Variants in GPC6 observed in about 807,000 individuals in gnomAD.
The protein encoded by GPC6 is glypican-6.
GPC6 carries 14 observed loss-of-function variants against 55.2 expected under a neutral mutation model. That is an observed-to-expected ratio of 0.25 (90% CI 0.17 to 0.40). GPC6 has a LOEUF of 0.40. Ranked by LOEUF, GPC6 falls within the 10% of genes least tolerant of loss-of-function variation. The pLI, the probability that GPC6 is intolerant of heterozygous loss-of-function variation, is 1.00. For synonymous variants in GPC6, 278 were observed against 259.6 expected, an observed-to-expected ratio of 1.07 and a Z score of -0.68; for missense variants, 641 against 708.5, an observed-to-expected ratio of 0.90 and a Z score of 1.08.
chr13:93,389,184 A>G (rs1875518461), intron 1 of GPC6, among the ~76,000 whole-genome samples: 1 of 152,106 alleles, frequency 6.6e-6, no homozygotes, highest in African/African-American at 2.4e-5. Flanking sequence ...AATTACTGCT[A>G]GAAATACTCG....
intron 3 of GPC6, among the ~76,000 whole-genome samples, chr13:93,877,927 T>C (rs372388548): frequency 6.6e-5 from 10 of 151,988 alleles, no homozygotes; most frequent in African/African-American, 2.4e-4. Flanking sequence ...CATTAACAAA[T>C]AGAAAAGTCA....
Position 93,713,817 on chromosome 13 carries a change from G to A in GPC6, c.320-116337G>A, listed in dbSNP as rs376574032. Among the ~76,000 whole-genome samples the A allele has an allele frequency of 1.3e-3, 197 of 151,810 alleles. 5 individuals carry two copies. The South Asian group carries it at 0.037, about 29-fold the overall frequency. ...ACACTTATTCTACATATTTGGTAAC[G>A]AAGGTGGTATCTCAGGCTAGCAGCT... On this transcript the variant is annotated intron_variant, in intron 2 of 8. Transcript: ENST00000377047.
At chr13:93,677,025 G>C (rs1881660648) in intron 2 of GPC6, among the ~76,000 whole-genome samples, 1 of 152,060 alleles carries the variant, frequency 6.6e-6, no homozygotes. Flanking sequence ...TCCTTCAAGT[G>C]TGTTTTGTTT....
At chr13:93,575,163 G>A (rs143216863) in intron 2 of GPC6, among the ~76,000 whole-genome samples, 2,174 of 152,182 alleles carry the variant, frequency 0.014, 55 homozygotes, top group African/African-American at 0.05. Flanking sequence ...GTGTGATGGT[G>A]CATGCCTGTA....
Position 94,130,791 on chromosome 13 carries a change from C to G in GPC6, c.877+102897C>G, listed in dbSNP as rs556805879. Among the ~76,000 whole-genome samples the G allele has an allele frequency of 1.5e-4, 23 of 152,194 alleles. 1 individual carries two copies. The South Asian group carries it at 4.8e-3, about 32-fold the overall frequency. On this transcript the variant is annotated intron_variant, in intron 4 of 8. Transcript: ENST00000377047. ...GAGAAAAGTTTTAATAAGCTTATAGCTACTCTGACAGTGGAGTAGTAAATA... is the reference window on the plus strand; with the variant it reads ...GAGAAAAGTTTTAATAAGCTTATAGGTACTCTGACAGTGGAGTAGTAAATA...
intron 4 of GPC6, among the ~76,000 whole-genome samples, chr13:94,147,011 G>C (rs1367625140): frequency 6.6e-6 from 1 of 152,108 alleles, no homozygotes; most frequent in African/African-American, 2.4e-5. Flanking sequence ...ACTAAAGGCA[G>C]GTTATTACCT....
intron 2 of GPC6, among the ~76,000 whole-genome samples, chr13:93,778,950 C>T (rs926999826): frequency 1.3e-5 from 2 of 152,130 alleles, no homozygotes; most frequent in Non-Finnish European, 2.9e-5. Flanking sequence ...AATCATTTTT[C>T]TTCTAAAAGA....
intron 6 of GPC6, among the ~76,000 whole-genome samples, chr13:94,334,974 C>G (rs960975890): frequency 6.6e-6 from 1 of 152,182 alleles, no homozygotes; most frequent in Non-Finnish European, 1.5e-5. Context: ...CATGCAAATG[C>G]AACTATTTAT....
chr13:94,356,343 T>C (rs1052626710), intron 6 of GPC6, among the ~76,000 whole-genome samples: 1 of 152,230 alleles, frequency 6.6e-6, no homozygotes. Context: ...GCATTTCTGG[T>C]TCTAGGTCTT....
intron 2 of GPC6, among the ~76,000 whole-genome samples, chr13:93,789,651 C>G (rs9556327): frequency 3.1e-5 from 3 of 95,704 alleles, no homozygotes; most frequent in East Asian, 2.7e-4. Context: ...ATATAGTATT[C>G]GGTTAAATGT....
intron 6 of GPC6, among the ~76,000 whole-genome samples, chr13:94,347,214 C>G (rs1240581393): frequency 6.6e-6 from 1 of 152,020 alleles, no homozygotes; most frequent in Non-Finnish European, 1.5e-5. Flanking sequence ...TTCCCATATC[C>G]AGGATGGTTC....
In GPC6 at chr13:93,519,642, A is replaced by C. The variant is rs1230986590; in HGVS notation, c.161-25621A>C. Among the ~76,000 whole-genome samples, 3 of 152,108 alleles carry C rather than the reference A, an allele frequency of 2.0e-5. No individual in the cohort carries two copies. The South Asian group carries it at 6.2e-4, about 31-fold the overall frequency. ...ATCTTAGCATCACAGTCAATGTTTGAGTTTGATTGCATTCCAGTCTGCTGG... is the reference window on the plus strand; with the variant it reads ...ATCTTAGCATCACAGTCAATGTTTGCGTTTGATTGCATTCCAGTCTGCTGG... On this transcript the variant is annotated intron_variant, in intron 1 of 8. Coordinates refer to ENST00000377047, the MANE Select transcript of GPC6 (RefSeq NM_005708.5).
At chr13:93,541,028 T>A (rs1882273856) in intron 1 of GPC6, among the ~76,000 whole-genome samples, 1 of 152,286 alleles carries the variant, frequency 6.6e-6, no homozygotes, top group African/African-American at 2.4e-5. Context: ...ATCATCCTTT[T>A]TTTTTTATTA....
chr13:93,938,841 C>A (rs1286809349), intron 3 of GPC6, among the ~76,000 whole-genome samples: 1 of 152,094 alleles, frequency 6.6e-6, no homozygotes, highest in Non-Finnish European at 1.5e-5. Context: ...CGGTGGCTCA[C>A]GCCTGTAATC....
chr13:93,450,872 T>C (rs1450710398), intron 1 of GPC6: 1 of 189,352 alleles, frequency 5.3e-6, no homozygotes, highest in Non-Finnish European at 9.8e-6. Context: ...ATATGATCAA[T>C]TTGTCATGGA....
chr13:93,444,347 G>A (rs988151321), intron 1 of GPC6, among the ~76,000 whole-genome samples: 2 of 151,950 alleles, frequency 1.3e-5, no homozygotes, highest in Admixed American at 6.6e-5. Flanking sequence ...CGTGTCTCAC[G>A]GCTGGAATCC....
At chr13:94,058,541 G>A (rs1460110755) in intron 4 of GPC6, among the ~76,000 whole-genome samples, 1 of 152,134 alleles carries the variant, frequency 6.6e-6, no homozygotes, top group Non-Finnish European at 1.5e-5. Flanking sequence ...CCCCTAGGTG[G>A]TTACAATCAA....
intron 4 of GPC6, among the ~76,000 whole-genome samples, chr13:94,142,787 A>G (rs1307005626): frequency 6.6e-6 from 1 of 151,948 alleles, no homozygotes; most frequent in African/African-American, 2.4e-5. Flanking sequence ...ATGTATATAT[A>G]GGAGAGAGAT....
At chr13:93,321,314 G>T (rs779155271) in intron 1 of GPC6, among the ~76,000 whole-genome samples, 1 of 151,998 alleles carries the variant, frequency 6.6e-6, no homozygotes, top group Admixed American at 6.6e-5. Context: ...TAGGCAAATC[G>T]CATTACTTGC....
Sources: allele counts gnomAD v4.1 joint callset (sites outside exome capture counted in the v4.1 genomes callset), GRCh38; gene constraint gnomAD v4.1.1; transcripts MANE v1.5; gene names NCBI Gene and HGNC (gene_info 2026-07-23, HGNC 2026-07-21).